Variants in ZFAND3 observed in about 807,000 individuals in gnomAD.
ZFAND3 encodes AN1-type zinc finger protein 3.
A neutral mutation model predicts 29.6 loss-of-function variants in ZFAND3; 10 were observed. The observed-to-expected ratio is 0.34, with a 90% CI of 0.21 to 0.57. The LOEUF (loss-of-function observed/expected upper bound fraction) is 0.57, where lower values mean the gene tolerates loss of function less well. Among genes scored for constraint, ZFAND3 ranks in the 20% least tolerant of loss-of-function variants. ZFAND3 has a pLI of 0.86. For missense variants in ZFAND3, 230 were observed against 304.5 expected, an observed-to-expected ratio of 0.76 and a Z score of 1.82; for synonymous variants, 128 against 112.6, an observed-to-expected ratio of 1.14 and a Z score of -0.87.
intron 3 of ZFAND3, among the ~76,000 whole-genome samples, chr6:38,068,186 A>G (rs562679231): frequency 6.6e-5 from 10 of 152,356 alleles, no homozygotes; most frequent in South Asian, 2.1e-4. Context: ...TTGACAAGCT[A>G]TAGCCTACAG....
chr6:38,067,044 G>A (rs1262231498), intron 3 of ZFAND3, among the ~76,000 whole-genome samples: 1 of 152,154 alleles, frequency 6.6e-6, no homozygotes, highest in African/African-American at 2.4e-5. Flanking sequence ...ATTTAAATGC[G>A]ATAGTAATGG....
At chr6:38,146,206 A>G (rs1382908612) in intron 5 of ZFAND3, among the ~76,000 whole-genome samples, 1 of 152,174 alleles carries the variant, frequency 6.6e-6, no homozygotes, top group African/African-American at 2.4e-5. Flanking sequence ...AGATCTTCTC[A>G]GATGGAGGGT....
chr6:38,037,172 C>A (rs1319307786), intron 2 of ZFAND3, among the ~76,000 whole-genome samples: 1 of 152,196 alleles, frequency 6.6e-6, no homozygotes, highest in Admixed American at 6.5e-5. Flanking sequence ...CCATGTCTAC[C>A]TTAGAACCTC....
chr6:37,835,464 GT>G (rs373349669), intron 1 of ZFAND3, among the ~76,000 whole-genome samples: 52,373 of 137,076 alleles, frequency 0.38, 10,241 homozygotes, highest in Non-Finnish European at 0.47. Context: ...GCCTGTAAGA[GT>G]TTTTTTTTTT....
At chr6:37,935,278 CA>C (rs1417534960) in intron 2 of ZFAND3, among the ~76,000 whole-genome samples, 1 of 152,148 alleles carries the variant, frequency 6.6e-6, no homozygotes, top group Non-Finnish European at 1.5e-5. Flanking sequence ...TTCCAATTAT[CA>C]GAGCTGGTCT....
chr6:38,013,611 A>G (rs1189547786), intron 2 of ZFAND3, among the ~76,000 whole-genome samples: 1 of 152,200 alleles, frequency 6.6e-6, no homozygotes, highest in East Asian at 1.9e-4. Context: ...TATTTTAATC[A>G]GTTGCTTGGC....
At chr6:37,837,687 A>G (rs1394000191) in intron 1 of ZFAND3, among the ~76,000 whole-genome samples, 1 of 151,810 alleles carries the variant, frequency 6.6e-6, no homozygotes, top group Admixed American at 6.6e-5. Context: ...TTGTATTTTT[A>G]ATAGAGACAG....
At chr6:37,899,164 G>A (rs931533057) in intron 1 of ZFAND3, among the ~76,000 whole-genome samples, 10 of 152,102 alleles carry the variant, frequency 6.6e-5, no homozygotes, top group African/African-American at 1.7e-4. Flanking sequence ...CTCCCAAAGT[G>A]CTGGGATTTA....
At chr6:38,086,078 C>T (rs917080975) in intron 4 of ZFAND3, among the ~76,000 whole-genome samples, 6 of 152,078 alleles carry the variant, frequency 3.9e-5, no homozygotes, top group African/African-American at 1.4e-4. Context: ...AGAGGCAGCT[C>T]TTTTTTAAGA....
rs1766314438 is a variant in ZFAND3 at position 38,154,619 on chromosome 6, A to G, written c.*2230A>G. The G allele has an allele frequency of 1.1e-6, 1 of 948,186 alleles. No individual in the cohort carries two copies. The highest frequency in any genetic ancestry group is 6.2e-5 in the Admixed American group (1 of 16,210). The allele number at this position is 948,186 out of a possible 1,614,324, so 58.7% of individuals were successfully genotyped here. A position where few individuals can be genotyped will look rare whatever the true frequency, so the allele number is the denominator to read the frequency against. On this transcript the variant is annotated 3_prime_UTR_variant, in exon 6 of 6. Transcript: ENST00000287218. Reference sequence around the variant, plus strand: ...TGAAAAAAAAAATTAAACCAATCGTATGAAAGTTTGGTTTTCTTGTTTCAC... The same window carrying G: ...TGAAAAAAAAAATTAAACCAATCGTGTGAAAGTTTGGTTTTCTTGTTTCAC...
intron 5 of ZFAND3, among the ~76,000 whole-genome samples, chr6:38,119,107 C>A (rs1765476898): frequency 6.6e-6 from 1 of 152,212 alleles, no homozygotes; most frequent in Non-Finnish European, 1.5e-5. Flanking sequence ...GAGCATTACA[C>A]TTATGTGCCC....
intron 2 of ZFAND3, among the ~76,000 whole-genome samples, chr6:37,945,850 GTT>G (rs1561942690): frequency 6.6e-6 from 1 of 152,164 alleles, no homozygotes; most frequent in African/African-American, 2.4e-5. Flanking sequence ...AATACTCTGA[GTT>G]TATGAAAAGC....
At chr6:37,895,164 T>C (rs953032705) in intron 1 of ZFAND3, among the ~76,000 whole-genome samples, 1 of 152,080 alleles carries the variant, frequency 6.6e-6, no homozygotes, top group Non-Finnish European at 1.5e-5. Flanking sequence ...GTTTCCTCAC[T>C]CATAGATCCT....
intron 5 of ZFAND3, among the ~76,000 whole-genome samples, chr6:38,148,958 C>A (rs547936126): frequency 6.6e-6 from 1 of 152,212 alleles, no homozygotes; most frequent in East Asian, 1.9e-4. Context: ...TCCAGAGTTT[C>A]CCCCAAAGTT....
intron 2 of ZFAND3, among the ~76,000 whole-genome samples, chr6:37,974,322 C>T (rs527753868): frequency 1.3e-5 from 2 of 152,060 alleles, no homozygotes; most frequent in East Asian, 3.9e-4. Context: ...CCTCGGCCTC[C>T]CCAGACTGCT....
intron 4 of ZFAND3, among the ~76,000 whole-genome samples, chr6:38,103,418 TACAC>T (rs1195970899): frequency 1.2e-4 from 18 of 145,220 alleles, no homozygotes; most frequent in African/African-American, 4.6e-4. Flanking sequence ...CACACGTATA[TACAC>T]ACACATATAT....
chr6:37,983,034 A>G (rs1762606028), intron 2 of ZFAND3, among the ~76,000 whole-genome samples: 1 of 152,238 alleles, frequency 6.6e-6, no homozygotes, highest in Non-Finnish European at 1.5e-5. Flanking sequence ...TAGAATAAGG[A>G]TATAAAGAAA....
At chr6:37,891,126 C>T (rs1765089467) in intron 1 of ZFAND3, among the ~76,000 whole-genome samples, 1 of 152,166 alleles carries the variant, frequency 6.6e-6, no homozygotes, top group African/African-American at 2.4e-5. Flanking sequence ...CTAAAATTTC[C>T]TTCTTTGGGA....
At chr6:37,979,585 T>G (rs1762547239) in intron 2 of ZFAND3, among the ~76,000 whole-genome samples, 1 of 152,230 alleles carries the variant, frequency 6.6e-6, no homozygotes, top group Non-Finnish European at 1.5e-5. Context: ...CTCTATGCAA[T>G]GCTCCTGAAT....
Sources: allele counts gnomAD v4.1 joint callset (sites outside exome capture counted in the v4.1 genomes callset), GRCh38; gene constraint gnomAD v4.1.1; transcripts MANE v1.5; gene names NCBI Gene and HGNC (gene_info 2026-07-23, HGNC 2026-07-21).